Variants in HMCN2 observed in about 807,000 individuals in gnomAD.
HMCN2 encodes the protein hemicentin-2.
In HMCN2, 325 loss-of-function variants were observed where a neutral mutation model predicts 377.5. The ratio of observed to expected loss-of-function variants is 0.86; its 90% CI spans 0.79 to 0.94. HMCN2 has a LOEUF of 0.94. Ranked by LOEUF, HMCN2 falls within the 40% of genes least tolerant of loss-of-function variation. The pLI, the probability that HMCN2 is intolerant of heterozygous loss-of-function variation, is 0.00. For synonymous variants in HMCN2, 2,007 were observed against 2,046.8 expected, an observed-to-expected ratio of 0.98 and a Z score of 0.53; for missense variants, 4,543 against 4,725.3, an observed-to-expected ratio of 0.96 and a Z score of 1.13.
intron 15 of HMCN2, among the ~76,000 whole-genome samples, chr9:130,310,906 C>T (rs1341935600): frequency 1.3e-5 from 2 of 152,322 alleles, no homozygotes; most frequent in South Asian, 4.1e-4. Flanking sequence ...TGTGAGGATT[C>T]AGTGAAATCA....
chr9:130,385,318 C>T (rs1320437534), intron 59 of HMCN2, among the ~76,000 whole-genome samples: 1 of 152,118 alleles, frequency 6.6e-6, no homozygotes, highest in Non-Finnish European at 1.5e-5. Context: ...GGGCGGGCGA[C>T]AGCATCTCCC....
At chr9:130,285,528 G>A (rs1835373305) in intron 3 of HMCN2, among the ~76,000 whole-genome samples, 1 of 152,228 alleles carries the variant, frequency 6.6e-6, no homozygotes, top group South Asian at 2.1e-4. Context: ...GTAGGCCCAG[G>A]CCAGGGCTCA....
intron 36 of HMCN2, among the ~76,000 whole-genome samples, chr9:130,358,954 G>A (rs1840205824): frequency 6.6e-6 from 1 of 152,246 alleles, no homozygotes; most frequent in Non-Finnish European, 1.5e-5. Context: ...GATCACAGGC[G>A]TGAGCCACGG....
In HMCN2 at chr9:130,349,611, T is replaced by C; in HGVS notation, c.4378T>C (p.Cys1460Arg). ...GLAGADVELQ[C>R]WTSGVPTPQV... ...GGCCGGTGCAGACGTGGAGCTGCAG[T>C]GTTGGACCTCAGGGGTCCCCACGCC... The change falls in exon 29 of 98, where the codon TGT (cysteine) becomes CGT (arginine). Residue 1460 changes from cysteine to arginine, a missense_variant. Cys to Arg is a radical substitution (Grantham distance 180). Around this residue, in one of 5 missense-constraint regions of HMCN2, gnomAD observed 1,032 missense variants for 1,285.1 expected, o/e 0.80. Coordinates refer to ENST00000683500, the MANE Select transcript of HMCN2 (RefSeq NM_001291815.2). 1 of 1,304,032 alleles carries C rather than the reference T, an allele frequency of 7.7e-7. No individual in the cohort carries two copies. The highest frequency in any genetic ancestry group is 1.0e-6 in the Non-Finnish European group (1 of 988,812). 80.8% of individuals were successfully genotyped at this position (1,304,032 alleles called of 1,614,324 possible). A position where few individuals can be genotyped will look rare whatever the true frequency, so the allele number is the denominator to read the frequency against.
At position 130,385,893 on chromosome 9, in the gene HMCN2, G is replaced by C. The variant is rs997384160; in HGVS notation, c.9309+131G>C. The C allele has an allele frequency of 1.2e-5, 6 of 511,634 alleles. No individual in the cohort carries two copies. The Admixed American group carries it at 1.7e-4, about 15-fold the overall frequency. The allele number at this position is 511,634 out of a possible 1,614,324, so 31.7% of individuals were successfully genotyped here. A position where few individuals can be genotyped will look rare whatever the true frequency, so the allele number is the denominator to read the frequency against. On this transcript the variant is annotated intron_variant, in intron 60 of 97. Coordinates refer to ENST00000683500, the MANE Select transcript of HMCN2 (RefSeq NM_001291815.2). Reference sequence around the variant, plus strand: ...TCCTTGGCCTGTCAGACCCCAAACCGAGTGGATTAGCAGCTTCCAGGGTGG... The same window carrying C: ...TCCTTGGCCTGTCAGACCCCAAACCCAGTGGATTAGCAGCTTCCAGGGTGG...
Position 130,277,967 on chromosome 9 carries a change from CCAT to C in HMCN2, c.260-6627_260-6625del, listed in dbSNP as rs1564740022. ...ATCATCATCATCACCACCACCACCACCATCATCATCACCACCACCACGATCATC... is the reference window on the plus strand; with the variant it reads ...ATCATCATCATCACCACCACCACCACCATCATCACCACCACCACGATCATC... On this transcript the variant is annotated intron_variant, in intron 1 of 97. Coordinates refer to ENST00000683500, the MANE Select transcript of HMCN2 (RefSeq NM_001291815.2). 7.9e-5 allele frequency among the ~76,000 whole-genome samples: 8 copies of C among 101,396 alleles called. 1 individual carries two copies. Among genetic ancestry groups the C allele is most frequent in the Admixed American group, 2.0e-4 (2 of 9,900 alleles). The allele number at this position is 101,396 out of a possible 152,430, so 66.5% of individuals were successfully genotyped here.
Position 130,338,015 on chromosome 9 carries a change from G to T in HMCN2, c.3481G>T (p.Val1161Leu). ...CGCCTCCCATCGCTACGTCCTTGGG[G>T]TGCAAGGTAGGACCAGCTGGCAGCC... is the stretch of plus-strand genomic sequence containing the variant. The part of the protein sequence containing the change: ...GSASHRYVLG[V>L]QVPPQVQPGP... Residue 1161 changes from valine (V) to leucine (L), a missense_variant, in exon 23 of 98, where the codon GTG becomes TTG. Physicochemically the swap from Val to Leu is conservative, Grantham distance 32. This residue lies in a region of HMCN2 where 547 missense variants were observed against 189.9 expected (regional missense o/e 2.88). Transcript: ENST00000683500. 6.5e-6 allele frequency: 1 copy of T among 152,702 alleles called. No homozygotes were observed. Among genetic ancestry groups the T allele is most frequent in the East Asian group, 1.9e-4 (1 of 5,182 alleles). 9.5% of individuals were successfully genotyped at this position (152,702 alleles called of 1,614,324 possible). A position where few individuals can be genotyped will look rare whatever the true frequency, so the allele number is the denominator to read the frequency against.
rs575434456 is a variant in HMCN2 at position 130,383,551 on chromosome 9, C to A, written c.8781C>A (p.Ala2927=). 5.1e-6 allele frequency: 5 copies of A among 985,894 alleles called. No homozygotes were observed. Among genetic ancestry groups the A allele is most frequent in the Non-Finnish European group, 1.2e-6 (1 of 830,068 alleles). The allele number at this position is 985,894 out of a possible 1,614,324, so 61.1% of individuals were successfully genotyped here. A position where few individuals can be genotyped will look rare whatever the true frequency, so the allele number is the denominator to read the frequency against. The change falls in exon 57 of 98, where the codon GCC becomes GCA. Residue 2927 remains alanine, a synonymous_variant. Coordinates refer to ENST00000683500, the MANE Select transcript of HMCN2 (RefSeq NM_001291815.2). The part of the protein sequence containing the change: ...VADAASYMCV[A]ENQAGSAEKL... ...ACGCCGCCAGCTACATGTGTGTGGC[C>A]GAGAACCAGGCGGGCTCCGCTGAGA...
At chr9:130,319,912 C>T (rs1837759434) in intron 16 of HMCN2, among the ~76,000 whole-genome samples, 4 of 152,138 alleles carry the variant, frequency 2.6e-5, no homozygotes, top group Admixed American at 2.6e-4. Flanking sequence ...CTACTACCCA[C>T]CTGGCTGATT....
intron 1 of HMCN2, among the ~76,000 whole-genome samples, chr9:130,270,240 T>C (rs1313390224): frequency 1.3e-5 from 2 of 148,438 alleles, no homozygotes; most frequent in East Asian, 3.9e-4. Context: ...TTTTTTTCTT[T>C]GTGATTTCTT....
Position 130,391,956 on chromosome 9 carries a change from G to A in HMCN2, c.9974G>A (p.Gly3325Glu). Residue 3325 changes from glycine to glutamate, a missense_variant, in exon 66 of 98, where the codon GGA (glycine) becomes GAA (glutamate). By Grantham distance (98) the Gly-to-Glu change is moderately conservative. Transcript: ENST00000683500. Reference sequence around the variant, plus strand: ...TCAGTTCCTCCCACCATCAAGCAGGGAGCAGACGGCTCGGGGACCCTGGTG... The same window carrying A: ...TCAGTTCCTCCCACCATCAAGCAGGAAGCAGACGGCTCGGGGACCCTGGTG... The part of the protein sequence containing the change: ...NVLVPPTIKQ[G>E]ADGSGTLVSR... 2 of 988,210 alleles carry A rather than the reference G, an allele frequency of 2.0e-6. No individual in the cohort carries two copies. The highest frequency in any genetic ancestry group is 2.4e-6 in the Non-Finnish European group (2 of 830,294). 61.2% of individuals were successfully genotyped at this position (988,210 alleles called of 1,614,324 possible).
In HMCN2 at chr9:130,357,914, G is replaced by A. The variant is rs752299509; in HGVS notation, c.5506G>A (p.Asp1836Asn). 4 of 1,304,112 alleles carry A rather than the reference G, an allele frequency of 3.1e-6. No individual in the cohort carries two copies. In the South Asian group the frequency reaches 3.7e-5, roughly 12 times the overall value. 80.8% of individuals were successfully genotyped at this position (1,304,112 alleles called of 1,614,324 possible). The change falls in exon 35 of 98, where the codon GAT (aspartate) becomes AAT (asparagine). Residue 1836 changes from aspartate to asparagine, a missense_variant. Around this residue, in one of 5 missense-constraint regions of HMCN2, gnomAD observed 1,032 missense variants for 1,285.1 expected, o/e 0.80. Coordinates refer to ENST00000683500, the MANE Select transcript of HMCN2 (RefSeq NM_001291815.2). ...LQPVTLQCIG[D>N]GVPTPSLRWW... ...GCCTGTGACCCTCCAGTGCATAGGG[G>A]ATGGGGTGCCCACCCCAAGCCTCCG...
intron 70 of HMCN2, 36 bp downstream of exon 70, chr9:130,395,144 A>AG: frequency 4.2e-6 from 4 of 950,092 alleles, no homozygotes; most frequent in African/African-American, 2.1e-5. Flanking sequence ...CAGGGCCGGG[A>AG]GGCAGGACGG....
chr9:130,421,621 C>T (rs1420901259), intron 86 of HMCN2, among the ~76,000 whole-genome samples: 2 of 152,192 alleles, frequency 1.3e-5, no homozygotes, highest in Non-Finnish European at 2.9e-5. Context: ...CTCCCGATCT[C>T]TTCTTCACTC....
Position 130,428,708 on chromosome 9 carries a change from G to A in HMCN2, c.14197+219G>A, listed in dbSNP as rs1388869102. Among the ~76,000 whole-genome samples the A allele has an allele frequency of 1.3e-5, 2 of 152,186 alleles. No individual in the cohort carries two copies. Among genetic ancestry groups the A allele is most frequent in the Non-Finnish European group, 2.9e-5 (2 of 68,030 alleles). ...CTGGCAGCTGGCACCTTCTTTGACA[G>A]GGGTGTTTTCTTTCTGCACCTCAGC... On this transcript the variant is annotated intron_variant, in intron 93 of 97. Coordinates refer to ENST00000683500, the MANE Select transcript of HMCN2 (RefSeq NM_001291815.2). The surrounding 1 kb of genome is among the most constrained non-coding windows in gnomAD (Gnocchi z 5.0).
Position 130,394,944 on chromosome 9 carries a change from C to A in HMCN2, c.10693-83C>A. On this transcript the variant is annotated intron_variant, in intron 69 of 97. Coordinates refer to ENST00000683500, the MANE Select transcript of HMCN2 (RefSeq NM_001291815.2). The surrounding 1 kb of genome is among the most constrained non-coding windows in gnomAD (Gnocchi z 5.1). ...GCAGGGCTGAGTTTGAATCCTGGGT[C>A]CCTCGATGCATGAGAAAGAAACCAG... 1 of 884,348 alleles carries A rather than the reference C, an allele frequency of 1.1e-6. No individual in the cohort carries two copies. Among genetic ancestry groups the A allele is most frequent in the Non-Finnish European group, 1.5e-6 (1 of 645,344 alleles). 54.8% of individuals were successfully genotyped at this position (884,348 alleles called of 1,614,324 possible).
Position 130,406,158 on chromosome 9 carries a change from G to T in HMCN2, c.12543G>T (p.Arg4181=). The stretch of plus-strand genomic sequence containing the variant: ...GCATTGGCTGGACTGTCAACGACCG[G>T]CCAGTCACAGGTCTGGGTCTGCTGG... ...TPRIGWTVND[R]PVTEGVSEQD... Residue 4181 remains arginine, a synonymous_variant, in exon 82 of 98, where the codon CGG becomes CGT. Transcript: ENST00000683500. 1.6e-6 allele frequency: 2 copies of T among 1,289,858 alleles called. No homozygotes were observed. The highest frequency in any genetic ancestry group is 2.0e-6 in the Non-Finnish European group (2 of 988,864). 79.9% of individuals were successfully genotyped at this position (1,289,858 alleles called of 1,614,324 possible). A position where few individuals can be genotyped will look rare whatever the true frequency, so the allele number is the denominator to read the frequency against.
At chr9:130,270,491 C>T (rs1554920771) in intron 1 of HMCN2, among the ~76,000 whole-genome samples, 1 of 147,786 alleles carries the variant, frequency 6.8e-6, no homozygotes, top group Admixed American at 6.8e-5. Flanking sequence ...TGCTTGAGCC[C>T]AGGAGGTCAA....
At chr9:130,297,232 A>G (rs146219990) in intron 7 of HMCN2, among the ~76,000 whole-genome samples, 3 of 152,366 alleles carry the variant, frequency 2.0e-5, no homozygotes, top group African/African-American at 7.2e-5. Context: ...AAAGGAGAGC[A>G]GTGCCTTACT....
Sources: gnomAD v4.1 joint callset for allele counts (sites outside exome capture counted in the v4.1 genomes callset) on GRCh38, gnomAD v4.1.1 for gene constraint, gnomAD v4.1.1 regional missense constraint, Gnocchi (gnomAD v3.1) non-coding constraint, MANE v1.5 for transcripts, NCBI Gene and HGNC (gene_info 2026-07-23, HGNC 2026-07-21) for gene names.